Variants in ITCH observed in about 807,000 individuals in gnomAD.
ITCH encodes E3 ubiquitin-protein ligase Itchy homolog.
Under a neutral mutation model 126.8 loss-of-function variants are expected in ITCH, and 28 were observed. That is an observed-to-expected ratio of 0.22 (90% CI 0.16 to 0.30). The LOEUF (loss-of-function observed/expected upper bound fraction) is 0.30, where lower values mean the gene tolerates loss of function less well. ITCH is among the 10% of genes least tolerant of loss of function. The pLI is 1.00. For missense variants in ITCH, 631 were observed against 1,032.4 expected (o/e 0.61, Z 5.33); for synonymous variants, 342 against 340.0 (o/e 1.01, Z -0.06).
chr20:34,440,509 T>G (rs1011868418), intron 9 of ITCH, among the ~76,000 whole-genome samples, 165 bp downstream of exon 9: 9 of 151,838 alleles, frequency 5.9e-5, no homozygotes, highest in Non-Finnish European at 1.2e-4. Flanking sequence ...CAGACTGGAG[T>G]GCAGTGGTGT....
intron 11 of ITCH, among the ~76,000 whole-genome samples, chr20:34,446,312 G>T (rs1243751551): frequency 2.6e-5 from 4 of 152,086 alleles, no homozygotes; most frequent in Admixed American, 6.5e-5. Context: ...CACTGCCATT[G>T]GTATCATCCC....
In ITCH at chr20:34,502,271, T is replaced by A. The variant is rs1008268543; in HGVS notation, c.2417-2060T>A. The stretch of plus-strand genomic sequence containing the variant: ...GGTGGGCACACATCTGTAGTCCCAG[T>A]TATTTGGAGGCTGAGGCAGGAGAAT... On this transcript the variant is annotated intron_variant, in intron 23 of 24. Transcript: ENST00000374864. 7.9e-5 allele frequency among the ~76,000 whole-genome samples: 12 copies of A among 152,200 alleles called. 1 individual carries two copies. Among genetic ancestry groups the A allele is most frequent in the Admixed American group, 7.9e-4 (12 of 15,274 alleles).
At chr20:34,395,376 A>G (rs1207848732) in intron 3 of ITCH, among the ~76,000 whole-genome samples, 1 of 152,154 alleles carries the variant, frequency 6.6e-6, no homozygotes, top group Non-Finnish European at 1.5e-5. Context: ...AACTTCAGAA[A>G]ACAACTTCAT....
At chr20:34,487,214 G>A (rs553250108) in intron 20 of ITCH, among the ~76,000 whole-genome samples, 35 of 151,626 alleles carry the variant, frequency 2.3e-4, no homozygotes, top group South Asian at 1.0e-3. Flanking sequence ...GGGTTTCACC[G>A]TGTTAGCCAG....
chr20:34,393,678 T>C lies in ITCH; in HGVS notation c.-21-113T>C, dbSNP rs964101805. 13 of 759,264 alleles carry C rather than the reference T, an allele frequency of 1.7e-5. No homozygotes were observed. In the East Asian group the frequency reaches 2.5e-4, roughly 14 times the overall value. 47.0% of individuals were successfully genotyped at this position (759,264 alleles called of 1,614,324 possible). A position where few individuals can be genotyped will look rare whatever the true frequency, so the allele number is the denominator to read the frequency against. On this transcript the variant is annotated intron_variant, in intron 2 of 24. Transcript: ENST00000374864. The stretch of plus-strand genomic sequence containing the variant: ...TAGAATTGAAAATTGTGTTTAGTAA[T>C]GTAAAGGCCTTTGTTACATGGTCTT...
intron 2 of ITCH, among the ~76,000 whole-genome samples, chr20:34,381,712 G>A (rs1008617725): frequency 3.3e-5 from 5 of 151,604 alleles, no homozygotes; most frequent in Admixed American, 1.3e-4. Context: ...AGACGTGAGC[G>A]ACCGCGCCTG....
intron 7 of ITCH, among the ~76,000 whole-genome samples, chr20:34,434,121 AC>A (rs1568936133): frequency 6.6e-6 from 1 of 152,108 alleles, no homozygotes; most frequent in African/African-American, 2.4e-5. Flanking sequence ...ACAAAAACAT[AC>A]AAAAATTAGC....
At chr20:34,499,660 T>G (rs1037604926) in intron 23 of ITCH, among the ~76,000 whole-genome samples, 1 of 152,088 alleles carries the variant, frequency 6.6e-6, no homozygotes, top group Admixed American at 6.5e-5. Flanking sequence ...CATCTATCTT[T>G]TGTCTTCATT....
rs200486269 is a variant in ITCH, at chr20:34,454,817, G to GTTTT, written c.1211-2547_1211-2544dup. Among the ~76,000 whole-genome samples the GTTTT allele has an allele frequency of 1.1e-3, 121 of 109,494 alleles. 4 individuals are homozygous for GTTTT. The highest frequency in any genetic ancestry group is 4.7e-3 in the Middle Eastern group (1 of 212). The allele number at this position is 109,494 out of a possible 152,430, so 71.8% of individuals were successfully genotyped here. A position where few individuals can be genotyped will look rare whatever the true frequency, so the allele number is the denominator to read the frequency against. On this transcript the variant is annotated intron_variant, in intron 12 of 24. Transcript: ENST00000374864. ...ACCAATTTTTCTTTTTTCTTTTCCT[G>GTTTT]TTTTTTTTTTTTTTTTTTTTTTTTT...
intron 2 of ITCH, among the ~76,000 whole-genome samples, chr20:34,385,403 A>G (rs1026549211): frequency 1.3e-5 from 2 of 151,872 alleles, no homozygotes; most frequent in Non-Finnish European, 2.9e-5. Context: ...TCAACATTAT[A>G]TATAATTAGA....
chr20:34,469,237 A>T (rs1316269721), intron 14 of ITCH, among the ~76,000 whole-genome samples: 2 of 151,950 alleles, frequency 1.3e-5, no homozygotes, highest in Middle Eastern at 3.4e-3. Flanking sequence ...ACACACACAC[A>T]CACACACACA....
rs555697666 is a variant in ITCH, at chr20:34,386,840, A to C, written c.-21-6951A>C. ...TGCTTAAGAGACAAGATATTACTGA[A>C]ATTATCTTCTGAAGTATGTCTATCC... On this transcript the variant is annotated intron_variant, in intron 2 of 24. Coordinates refer to ENST00000374864, the MANE Select transcript of ITCH (RefSeq NM_031483.7). Among the ~76,000 whole-genome samples the C allele has an allele frequency of 1.1e-4, 17 of 152,274 alleles. No individual in the cohort carries two copies. In the South Asian group the frequency reaches 3.5e-3, roughly 32 times the overall value.
chr20:34,365,597 A>G (rs1447520186), intron 1 of ITCH, among the ~76,000 whole-genome samples: 2 of 152,006 alleles, frequency 1.3e-5, no homozygotes, highest in East Asian at 3.9e-4. Context: ...TGTATTTTTT[A>G]GTAGAGATGG....
intron 5 of ITCH, 45 bp from the exon 6 acceptor site, chr20:34,413,697 T>TG (rs756294118): frequency 5.1e-6 from 8 of 1,577,054 alleles, no homozygotes; most frequent in African/African-American, 1.4e-5. Flanking sequence ...ATGCCTTAAC[T>TG]GGGAAAAAAG....
intron 12 of ITCH, among the ~76,000 whole-genome samples, chr20:34,454,818 T>G (rs1426090562): frequency 7.0e-5 from 2 of 28,630 alleles, no homozygotes; most frequent in East Asian, 9.6e-4. Flanking sequence ...TCTTTTCCTG[T>G]TTTTTTTTTT....
chr20:34,431,344 T>G (rs1982264066), intron 7 of ITCH, among the ~76,000 whole-genome samples: 1 of 152,010 alleles, frequency 6.6e-6, no homozygotes, highest in Non-Finnish European at 1.5e-5. Flanking sequence ...GCCCAGGAGT[T>G]CAAAGTTGCA....
At chr20:34,507,554 A>T in intron 24 of ITCH, 141 bp from the exon 25 acceptor site, 1 of 674,104 alleles carries the variant, frequency 1.5e-6, no homozygotes, top group Admixed American at 2.4e-5. Context: ...TTTTTGGGTT[A>T]TTTCACTTTC....
At chr20:34,444,920 G>A (rs1984251786) in intron 10 of ITCH, among the ~76,000 whole-genome samples, 1 of 152,268 alleles carries the variant, frequency 6.6e-6, no homozygotes, top group African/African-American at 2.4e-5. Flanking sequence ...AGGATCACAG[G>A]TGTGTGAGCC....
At chr20:34,393,183 T>C (rs986851497) in intron 2 of ITCH, among the ~76,000 whole-genome samples, 7 of 152,174 alleles carry the variant, frequency 4.6e-5, no homozygotes, top group Admixed American at 1.3e-4. Context: ...AGTCTTCTTT[T>C]GGCCCCTGTA....
Sources: allele counts gnomAD v4.1 joint callset (sites outside exome capture counted in the v4.1 genomes callset), GRCh38; gene constraint gnomAD v4.1.1; transcripts MANE v1.5; gene names NCBI Gene and HGNC (gene_info 2026-07-23, HGNC 2026-07-21).